KRT14: variants seen among roughly 807,000 people sequenced by gnomAD.
KRT14 encodes the protein keratin, type I cytoskeletal 14.
In KRT14, 30 loss-of-function variants were observed where a neutral mutation model predicts 44.5. The ratio of observed to expected loss-of-function variants is 0.67; its 90% CI spans 0.50 to 0.92. The LOEUF (loss-of-function observed/expected upper bound fraction) is 0.92, where lower values mean the gene tolerates loss of function less well. Ranked by LOEUF, KRT14 falls within the 40% of genes least tolerant of loss-of-function variation. The pLI is 0.00. For missense variants in KRT14, 535 were observed against 640.6 expected (o/e 0.84, Z 1.78); for synonymous variants, 241 against 257.6 (o/e 0.94, Z 0.62).
rs1171832560 is a variant in KRT14, at chr17:41,584,994, C to T, written c.589G>A (p.Ala197Thr). 29 of 1,613,930 alleles carry T rather than the reference C, an allele frequency of 1.8e-5. No homozygotes were observed. Among genetic ancestry groups the T allele is most frequent in the Non-Finnish European group, 2.4e-5 (28 of 1,179,814 alleles). The change falls in exon 2 of 8, where the codon GCG (alanine) becomes ACG (threonine). Residue 197 changes from alanine (A) to threonine (T), a missense_variant. Physicochemically the swap from Ala to Thr is moderately conservative, Grantham distance 58 (BLOSUM62 0). Coordinates refer to ENST00000167586, the MANE Select transcript of KRT14 (RefSeq NM_000526.5). ...LLQIDNARLA[A>T]DDFRTKYETE... ...ACTCACTTGGTGCGGAAGTCATCCG[C>T]GGCCAGACGGGCATTGTCAATCTGC...
intron 7 of KRT14, 80 bp from the exon 8 acceptor site, chr17:41,582,612 G>A (rs1907373634): frequency 2.5e-6 from 3 of 1,192,134 alleles, no homozygotes; most frequent in South Asian, 2.6e-5. Flanking sequence ...CCAAGAAGGT[G>A]AGGAAACTCA....
chr17:41,584,661 A>G (rs1597799136), intron 2 of KRT14, among the ~76,000 whole-genome samples: 1 of 152,214 alleles, frequency 6.6e-6, no homozygotes, highest in African/African-American at 2.4e-5. Context: ...AGCTTCAGCC[A>G]ACAAATAATG....
chr17:41,583,478 C>A, intron 5 of KRT14, 23 bp from the exon 6 acceptor site: 1 of 1,614,182 alleles, frequency 6.2e-7, no homozygotes, highest in South Asian at 1.1e-5. Flanking sequence ...GAAAGGGAAT[C>A]AACGATTAGT....
chr17:41,584,416 G>A lies in KRT14; in HGVS notation c.609-3C>T, dbSNP rs1485683834. ...GCAGGTTCAACTCTGTCTCATACCT[G>A]GAATGACCCCAGAGAAAAGGTATGA... On this transcript the variant is annotated splice_polypyrimidine_tract_variant and splice_region_variant and intron_variant, in intron 2 of 7. Coordinates refer to ENST00000167586, the MANE Select transcript of KRT14 (RefSeq NM_000526.5). The A allele has an allele frequency of 1.2e-6, 2 of 1,613,810 alleles. No homozygotes were observed. Among genetic ancestry groups the A allele is most frequent in the African/African-American group, 1.3e-5 (1 of 74,950 alleles).
chr17:41,582,545 T>G lies in KRT14; in HGVS notation c.1322-13A>C, dbSNP rs2001185. 1.2e-5 allele frequency: 19 copies of G among 1,553,064 alleles called. No homozygotes were observed. The highest frequency in any genetic ancestry group is 1.6e-5 in the Non-Finnish European group (18 of 1,146,926). ...CTGGAGGAGGTCACTGGGGAAGAGG[T>G]GGGAAGAGGACGTTACCAGAGGTGG... On this transcript the variant is annotated splice_polypyrimidine_tract_variant and intron_variant, in intron 7 of 7. Transcript: ENST00000167586.
At chr17:41,585,313 GC>G (rs1323376526) in intron 1 of KRT14, among the ~76,000 whole-genome samples, 7 of 152,152 alleles carry the variant, frequency 4.6e-5, no homozygotes, top group African/African-American at 7.2e-5. Flanking sequence ...TCCCAATTCT[GC>G]CAGTGTCTTG....
At position 41,586,716 on chromosome 17, in the gene KRT14, C is replaced by T; in HGVS notation, c.119G>A (p.Cys40Tyr). ...RISSVLAGGS[C>Y]RAPSTYGGGL... The stretch of plus-strand genomic sequence containing the variant: ...GCCCCCGTAGGTGCTGGGGGCGCGG[C>T]AGGACCCTCCGGCCAGGACGGAGGA... The change falls in exon 1 of 8, where the codon TGC (cysteine) becomes TAC (tyrosine). Residue 40 changes from cysteine to tyrosine, a missense_variant. Transcript: ENST00000167586. 1 of 1,588,852 alleles carries T rather than the reference C, an allele frequency of 6.3e-7. No homozygotes were observed. The highest frequency in any genetic ancestry group is 1.1e-5 in the South Asian group (1 of 88,844).
At position 41,582,538 on chromosome 17, in the gene KRT14, G is replaced by A; in HGVS notation, c.1322-6C>T. The A allele has an allele frequency of 6.4e-7, 1 of 1,552,630 alleles. No individual in the cohort carries two copies. The highest frequency in any genetic ancestry group is 8.7e-7 in the Non-Finnish European group (1 of 1,146,194). ...TTGGCGGCTGGAGGAGGTCACTGGG[G>A]AAGAGGTGGGAAGAGGACGTTACCA... is the stretch of plus-strand genomic sequence containing the variant. On this transcript the variant is annotated splice_region_variant and splice_polypyrimidine_tract_variant and intron_variant, in intron 7 of 7. Coordinates refer to ENST00000167586, the MANE Select transcript of KRT14 (RefSeq NM_000526.5).
In KRT14 at chr17:41,582,327, G is replaced by A. The variant is rs1308653893; in HGVS notation, c.*108C>T. ...TGTATTGATTGCCAGGAGGGGGTGA[G>A]GGTGAAGCAGGGTCCAGCTGTGAAG... On this transcript the variant is annotated 3_prime_UTR_variant, in exon 8 of 8. Transcript: ENST00000167586. 6.4e-6 allele frequency: 5 copies of A among 778,738 alleles called. No individual in the cohort carries two copies. In the South Asian group the frequency reaches 7.5e-5, roughly 12 times the overall value. The allele number at this position is 778,738 out of a possible 1,614,324, so 48.2% of individuals were successfully genotyped here. A position where few individuals can be genotyped will look rare whatever the true frequency, so the allele number is the denominator to read the frequency against.
intron 3 of KRT14, 125 bp from the exon 4 acceptor site, chr17:41,584,046 TCTCAATCTCTCTCTCTCTC>T: frequency 1.5e-6 from 1 of 678,932 alleles, no homozygotes; most frequent in African/African-American, 2.2e-5. Flanking sequence ...TCTCTCTCTC[TCTCAATCTCTCTCTCTCTC>T]TCTCTTTTTT....
Position 41,583,466 on chromosome 17 carries a change from G to A in KRT14, c.1054-11C>T, listed in dbSNP as rs570335884. On this transcript the variant is annotated splice_polypyrimidine_tract_variant and intron_variant, in intron 5 of 7. Coordinates refer to ENST00000167586, the MANE Select transcript of KRT14 (RefSeq NM_000526.5). ...CTCCAGGGATGCTTTCTGTGAGGGA[G>A]GGAAAGGGAATCAACGATTAGTGAG... The A allele has an allele frequency of 1.9e-6, 3 of 1,614,168 alleles. No individual in the cohort carries two copies. Among genetic ancestry groups the A allele is most frequent in the South Asian group, 2.2e-5 (2 of 91,084 alleles).
In KRT14 at chr17:41,583,807, T is replaced by C. The variant is rs1907425080; in HGVS notation, c.880A>G (p.Met294Val). The change falls in exon 4 of 8, where the codon ATG becomes GTG. Residue 294 changes from methionine to valine, a missense_variant. Met to Val is a conservative substitution (Grantham distance 21). Coordinates refer to ENST00000167586, the MANE Select transcript of KRT14 (RefSeq NM_000526.5). ...LNEMRDQYEK[M>V]AEKNRKDAEE... ...GCATCCTTGCGGTTCTTCTCTGCCA[T>C]CTTCTCATACTGGTCACGCATCTCG... is the stretch of plus-strand genomic sequence containing the variant. 6.2e-7 allele frequency: 1 copy of C among 1,614,088 alleles called. No homozygotes were observed. The highest frequency in any genetic ancestry group is 1.3e-5 in the African/African-American group (1 of 74,918).
rs1178177123 is a variant in KRT14 at position 41,583,637 on chromosome 17, G to C, written c.967C>G (p.Leu323Val). ...ATCTCGCTCTTGCCGCTCTGCACCA[G>C]CTCGCTGTTGGTGGCCACCTCGCGG... ...LNREVATNSELVQSGKSEISE... is the reference protein window; with the variant it reads ...LNREVATNSEVVQSGKSEISE... The change falls in exon 5 of 8, where the codon CTG becomes GTG. Residue 323 changes from leucine (L) to valine (V), a missense_variant. Transcript: ENST00000167586. 10 of 1,614,074 alleles carry C rather than the reference G, an allele frequency of 6.2e-6. No homozygotes were observed. Among genetic ancestry groups the C allele is most frequent in the Non-Finnish European group, 7.6e-6 (9 of 1,180,032 alleles).
rs2070671 is a variant in KRT14 at position 41,583,206 on chromosome 17, G to C, written c.1274+29C>G. 50,172 of 1,613,036 alleles carry C rather than the reference G, an allele frequency of 0.031. 1,812 individuals are homozygous for C. Among genetic ancestry groups the C allele is most frequent in the East Asian group, 0.15 (6,938 of 44,838 alleles). On this transcript the variant is annotated intron_variant, in intron 6 of 7. Transcript: ENST00000167586. ...GGGGCCGTGAGAGTGCCATGGGGGG[G>C]GCGGACTAAGGGGAGGGCCAAGACT...
At chr17:41,585,564 G>C (rs752865106) in intron 1 of KRT14, among the ~76,000 whole-genome samples, 4 of 152,180 alleles carry the variant, frequency 2.6e-5, no homozygotes, top group Non-Finnish European at 4.4e-5. Flanking sequence ...GAGGACTCAG[G>C]GGAAGAATAA....
rs58378809 is a variant in KRT14 at position 41,586,393 on chromosome 17, G to C, written c.442C>G (p.Arg148Gly). The C allele has an allele frequency of 2.5e-6, 4 of 1,613,834 alleles. No individual in the cohort carries two copies. Among genetic ancestry groups the C allele is most frequent in the Non-Finnish European group, 3.4e-6 (4 of 1,180,020 alleles). Residue 148 changes from arginine (R) to glycine (G), a missense_variant, in exon 1 of 8, where the codon CGT becomes GGT. Coordinates refer to ENST00000167586, the MANE Select transcript of KRT14 (RefSeq NM_000526.5). ...EANADLEVKIRDWYQRQRPAE... is the reference protein window; with the variant it reads ...EANADLEVKIGDWYQRQRPAE... ...GGCCGCTGCCTCTGGTACCAGTCAC[G>C]GATCTTCACTTCCAGGTCGGCGTTG...
Position 41,584,955 on chromosome 17 carries a change from GC to G in KRT14, c.608+19del. ...TACTCTGGGGACACTGGATGTTCTG[GC>G]CCACCATTTCAAACTCACTTGGTGC... is the stretch of plus-strand genomic sequence containing the variant. On this transcript the variant is annotated intron_variant, in intron 2 of 7. Transcript: ENST00000167586. 6.3e-7 allele frequency: 1 copy of G among 1,596,382 alleles called. No homozygotes were observed. Among genetic ancestry groups the G allele is most frequent in the Non-Finnish European group, 8.6e-7 (1 of 1,163,834 alleles).
At chr17:41,583,201 G>GT (rs560760659) in intron 6 of KRT14, 34 bp downstream of exon 6, 1 of 1,612,898 alleles carries the variant, frequency 6.2e-7, no homozygotes, top group African/African-American at 1.3e-5. Context: ...GAGTGCCATG[G>GT]GGGGGGCGGA....
Position 41,585,076 on chromosome 17 carries a change from A to G in KRT14, c.526-19T>C. 1 of 1,596,222 alleles carries G rather than the reference A, an allele frequency of 6.3e-7. No individual in the cohort carries two copies. Among genetic ancestry groups the G allele is most frequent in the South Asian group, 1.1e-5 (1 of 90,742 alleles). Reference sequence around the variant, plus strand: ...TGAGAATCTGCAGGATGGAAAAGGCACAGGTAATTTGTCAAATGGACTTCA... The same window carrying G: ...TGAGAATCTGCAGGATGGAAAAGGCGCAGGTAATTTGTCAAATGGACTTCA... On this transcript the variant is annotated intron_variant, in intron 1 of 7. Coordinates refer to ENST00000167586, the MANE Select transcript of KRT14 (RefSeq NM_000526.5).
Sources: allele counts gnomAD v4.1 joint callset (sites outside exome capture counted in the v4.1 genomes callset), GRCh38; gene constraint gnomAD v4.1.1; transcripts MANE v1.5; gene names NCBI Gene and HGNC (gene_info 2026-07-23, HGNC 2026-07-21).